Variants in CEP83 observed in about 807,000 individuals in gnomAD.
CEP83 encodes the protein centrosomal protein of 83 kDa.
CEP83 carries 70 observed loss-of-function variants against 101.9 expected under a neutral mutation model. The ratio of observed to expected loss-of-function variants is 0.69; its 90% CI spans 0.57 to 0.84. The LOEUF (loss-of-function observed/expected upper bound fraction) is 0.84. Among genes scored for constraint, CEP83 ranks in the 40% least tolerant of loss-of-function variants. The pLI is 0.00. For missense variants in CEP83, 715 were observed against 787.2 expected (o/e 0.91, Z 1.10); for synonymous variants, 264 against 267.9 (o/e 0.99, Z 0.14).
chr12:94,356,979 G>GA (rs1331382661), intron 11 of CEP83, among the ~76,000 whole-genome samples: 4 of 151,972 alleles, frequency 2.6e-5, no homozygotes, highest in Admixed American at 6.6e-5. Flanking sequence ...AGAGCTTGGG[G>GA]AAAAAAAATC....
At position 94,322,131 on chromosome 12, in the gene CEP83, G is replaced by A. The variant is rs142203731; in HGVS notation, c.1708-9114C>T. ...GTTGGGAGATCCTACCTAGTGAGGA[G>A]TAACAGGATCAGGGACCCACATACA... On this transcript the variant is annotated intron_variant, in intron 14 of 16. Coordinates refer to ENST00000397809, the MANE Select transcript of CEP83 (RefSeq NM_016122.3). Among the ~76,000 whole-genome samples, 296 of 152,262 alleles carry A rather than the reference G, an allele frequency of 1.9e-3. 1 individual carries two copies. Among genetic ancestry groups the A allele is most frequent in the African/African-American group, 6.7e-3 (278 of 41,564 alleles).
intron 11 of CEP83, among the ~76,000 whole-genome samples, chr12:94,340,663 C>T (rs1480746588): frequency 6.6e-6 from 1 of 152,186 alleles, no homozygotes; most frequent in Non-Finnish European, 1.5e-5. Context: ...TCTCAAATGC[C>T]TGACCTCAGG....
chr12:94,286,616 CAAAAAAAAAA>C, the CEP83 span, among the ~76,000 whole-genome samples: 99 of 101,400 alleles, frequency 9.8e-4, no homozygotes, highest in East Asian at 4.8e-3. Flanking sequence ...TGCTTAAAAG[CAAAAAAAAAA>C]AAAAAAAAAA....
At chr12:94,283,254 A>G in the CEP83 span, among the ~76,000 whole-genome samples, 275 of 152,296 alleles carry the variant, frequency 1.8e-3, 1 homozygote, top group African/African-American at 6.5e-3. Context: ...TTATGACTGA[A>G]CTGAGAGCTA....
At chr12:94,432,306 C>T (rs1334527586) in intron 2 of CEP83, among the ~76,000 whole-genome samples, 2 of 152,038 alleles carry the variant, frequency 1.3e-5, no homozygotes, top group Non-Finnish European at 2.9e-5. Flanking sequence ...TCGTGATCCG[C>T]CCACCTCGGC....
At chr12:94,406,677 T>C (rs1047575515) in intron 4 of CEP83, among the ~76,000 whole-genome samples, 4 of 152,116 alleles carry the variant, frequency 2.6e-5, no homozygotes, top group African/African-American at 9.6e-5. Context: ...ATCCCAGCAC[T>C]TTGGGAGGCC....
chr12:94,368,071 TACC>T lies in CEP83; in HGVS notation c.1176_1178del (p.Val393del), dbSNP rs1273472685. 1.2e-6 allele frequency: 2 copies of T among 1,612,868 alleles called. No individual in the cohort carries two copies. Among genetic ancestry groups the T allele is most frequent in the East Asian group, 2.2e-5 (1 of 44,840 alleles). The stretch of plus-strand genomic sequence containing the variant: ...TAAGTACTTACTTTTCATCTTGTAA[TACC>T]ACAAGTTTTTGATAACCTTCTTCTT... On this transcript the variant is annotated inframe_deletion, in exon 10 of 17. Coordinates refer to ENST00000397809, the MANE Select transcript of CEP83 (RefSeq NM_016122.3).
At chr12:94,380,800 AC>A (rs1323395930) in intron 6 of CEP83, among the ~76,000 whole-genome samples, 1 of 152,198 alleles carries the variant, frequency 6.6e-6, no homozygotes, top group Non-Finnish European at 1.5e-5. Flanking sequence ...CCCATTTTAC[AC>A]ATAGGGTCAC....
rs2061313029 is a variant in CEP83, at chr12:94,371,586, G to C, written c.934-1550C>G. On this transcript the variant is annotated intron_variant, in intron 8 of 16. Transcript: ENST00000397809. ...TATATAAAAGTATGGAATCAGAGTAGGAAACTACAAATACATACACATCAA... is the reference window on the plus strand; with the variant it reads ...TATATAAAAGTATGGAATCAGAGTACGAAACTACAAATACATACACATCAA... 2.0e-5 allele frequency among the ~76,000 whole-genome samples: 3 copies of C among 152,112 alleles called. No individual in the cohort carries two copies. The South Asian group carries it at 6.2e-4, about 32-fold the overall frequency.
chr12:94,368,251 G>A (rs1275346838), intron 9 of CEP83, 50 bp from the exon 10 acceptor site: 1 of 1,424,644 alleles, frequency 7.0e-7, no homozygotes, highest in South Asian at 1.3e-5. Context: ...TTATTAAGAT[G>A]AAAAATCACA....
intron 11 of CEP83, among the ~76,000 whole-genome samples, chr12:94,358,424 T>A (rs1057081844): frequency 1.3e-5 from 2 of 151,974 alleles, no homozygotes; most frequent in African/African-American, 4.8e-5. Flanking sequence ...TAGGGAAAAA[T>A]TTTTGATGGC....
chr12:94,375,765 A>C, intron 8 of CEP83, 121 bp downstream of exon 8: 1 of 508,516 alleles, frequency 2.0e-6, no homozygotes, highest in Non-Finnish European at 3.2e-6. Flanking sequence ...TTTATTTCTT[A>C]GAAGGCAGAA....
chr12:94,388,719 C>A (rs2137334806), intron 6 of CEP83, among the ~76,000 whole-genome samples: 1 of 152,278 alleles, frequency 6.6e-6, no homozygotes, highest in East Asian at 1.9e-4. Flanking sequence ...GATGAAAATA[C>A]ATTTCACTTT....
intron 1 of CEP83, among the ~76,000 whole-genome samples, chr12:94,449,779 TAA>T (rs71071787): frequency 4.1e-4 from 20 of 48,578 alleles, no homozygotes; most frequent in African/African-American, 2.1e-3. Context: ...TCTCAAACAA[TAA>T]AAAAAAAAAA....
the CEP83 span, among the ~76,000 whole-genome samples, chr12:94,275,657 T>C: frequency 1.1e-5 from 1 of 90,524 alleles, no homozygotes; most frequent in Non-Finnish European, 2.3e-5. Flanking sequence ...ATCGAGACCA[T>C]CCCGGCTAAA....
At chr12:94,282,618 A>AT in the CEP83 span, among the ~76,000 whole-genome samples, 1 of 152,162 alleles carries the variant, frequency 6.6e-6, no homozygotes, top group African/African-American at 2.4e-5. Flanking sequence ...GAAGGCTATG[A>AT]TTTTCTATCT....
At chr12:94,273,484 G>A in the CEP83 span, among the ~76,000 whole-genome samples, 1 of 152,022 alleles carries the variant, frequency 6.6e-6, no homozygotes, top group Non-Finnish European at 1.5e-5. Flanking sequence ...AGCTCTTTGC[G>A]ACCCAATTCA....
chr12:94,315,910 A>T (rs1444945036), intron 14 of CEP83, among the ~76,000 whole-genome samples: 3 of 152,112 alleles, frequency 2.0e-5, no homozygotes, highest in Admixed American at 2.0e-4. Flanking sequence ...ACTGTAGCTT[A>T]TATTTAGTGT....
At chr12:94,382,786 G>C (rs1450578111) in intron 6 of CEP83, among the ~76,000 whole-genome samples, 1 of 151,924 alleles carries the variant, frequency 6.6e-6, no homozygotes, top group African/African-American at 2.4e-5. Flanking sequence ...TCTTGTATAT[G>C]TTCAGTGAGC....
Sources: gnomAD v4.1 joint callset for allele counts (sites outside exome capture counted in the v4.1 genomes callset) on GRCh38, gnomAD v4.1.1 for gene constraint, MANE v1.5 for transcripts, NCBI Gene and HGNC (gene_info 2026-07-23, HGNC 2026-07-21) for gene names.